The following SYT14 variants were observed in gnomAD, a reference collection of about 807,000 sequenced individuals.
SYT14 encodes synaptotagmin 14.
In SYT14, 32 loss-of-function variants were observed where a neutral mutation model predicts 74.2. That is an observed-to-expected ratio of 0.43 (90% CI 0.33 to 0.58). The LOEUF is 0.58. Among genes scored for constraint, SYT14 ranks in the 20% least tolerant of loss-of-function variants. The pLI is 0.05. For missense variants in SYT14, 791 were observed against 981.8 expected, an observed-to-expected ratio of 0.81 and a Z score of 2.60; for synonymous variants, 298 against 337.7, an observed-to-expected ratio of 0.88 and a Z score of 1.29.
intron 2 of SYT14, among the ~76,000 whole-genome samples, chr1:209,953,894 T>C (rs2102685958): frequency 6.6e-6 from 1 of 152,352 alleles, no homozygotes; most frequent in South Asian, 2.1e-4. Context: ...TCTCATGCTA[T>C]AACTATTGTT....
intron 2 of SYT14, among the ~76,000 whole-genome samples, chr1:209,954,754 G>T (rs764910784): frequency 6.7e-6 from 1 of 150,014 alleles, no homozygotes; most frequent in Non-Finnish European, 1.5e-5. Flanking sequence ...CTCCCAGGCT[G>T]GAATGCAGTG....
At chr1:210,050,475 G>A (rs1200040628) in intron 5 of SYT14, among the ~76,000 whole-genome samples, 1 of 152,102 alleles carries the variant, frequency 6.6e-6, no homozygotes, top group African/African-American at 2.4e-5. Context: ...TCCAACCTTT[G>A]CCTGTTACCC....
chr1:210,144,920 C>T (rs1052435039), intron 7 of SYT14, among the ~76,000 whole-genome samples: 11 of 151,724 alleles, frequency 7.3e-5, no homozygotes, highest in African/African-American at 2.2e-4. Flanking sequence ...TTCTGGGATA[C>T]GGAGTCTTTA....
intron 2 of SYT14, among the ~76,000 whole-genome samples, chr1:209,961,708 T>C (rs1402606500): frequency 4.6e-5 from 7 of 152,154 alleles, no homozygotes; most frequent in Non-Finnish European, 1.0e-4. Context: ...TGTAGACTCT[T>C]ACTAGAGATG....
At chr1:209,939,503 C>G (rs1210305628) in intron 1 of SYT14, among the ~76,000 whole-genome samples, 1 of 152,206 alleles carries the variant, frequency 6.6e-6, no homozygotes, top group Non-Finnish European at 1.5e-5. Context: ...ATGCAAGACA[C>G]ATTCAGACAG....
At chr1:210,015,724 T>C in exon 4 of SYT14, 1 of 293,544 alleles carries the variant, frequency 3.4e-6, no homozygotes, top group Non-Finnish European at 5.7e-6. Context: ...GGAAAAATAT[T>C]GTCTTGCTGC....
At chr1:209,968,785 T>C (rs1165684966) in intron 2 of SYT14, among the ~76,000 whole-genome samples, 1 of 151,796 alleles carries the variant, frequency 6.6e-6, no homozygotes, top group African/African-American at 2.4e-5. Flanking sequence ...CATGTGCAGG[T>C]TTGTTAAATG....
chr1:210,135,925 G>T lies in SYT14; in HGVS notation c.2035-19796G>T, dbSNP rs563719859. On this transcript the variant is annotated intron_variant, in intron 7 of 9. Transcript: ENST00000637265. ...TGTTCAGAATGTGAATTATTCTCAG[G>T]CCTATGTGAGTTGTGGGGATTGTTC... 5.9e-5 allele frequency among the ~76,000 whole-genome samples: 9 copies of T among 152,238 alleles called. No individual in the cohort carries two copies. The East Asian group carries it at 1.7e-3, about 29-fold the overall frequency.
At chr1:210,014,328 G>A (rs1236027778) in intron 3 of SYT14, among the ~76,000 whole-genome samples, 1 of 151,176 alleles carries the variant, frequency 6.6e-6, no homozygotes, top group Non-Finnish European at 1.5e-5. Context: ...CCCTCCCTTG[G>A]CACCATATAT....
chr1:210,150,894 G>GT (rs1465568521), intron 7 of SYT14, among the ~76,000 whole-genome samples: 2 of 152,056 alleles, frequency 1.3e-5, no homozygotes, highest in African/African-American at 4.8e-5. Context: ...TAATCATATT[G>GT]TTTTTTCTCT....
chr1:209,972,348 T>G (rs2079270941), intron 2 of SYT14, among the ~76,000 whole-genome samples: 1 of 152,018 alleles, frequency 6.6e-6, no homozygotes, highest in Non-Finnish European at 1.5e-5. Flanking sequence ...GGGGTCTCAG[T>G]TTCCTTCAGT....
At chr1:210,051,242 T>TA (rs1268634204) in intron 5 of SYT14, among the ~76,000 whole-genome samples, 3 of 152,232 alleles carry the variant, frequency 2.0e-5, no homozygotes, top group African/African-American at 7.2e-5. Flanking sequence ...ATAAATCTAT[T>TA]ACATAAAATT....
intron 2 of SYT14, among the ~76,000 whole-genome samples, chr1:209,999,295 A>G (rs928454241): frequency 6.6e-6 from 1 of 152,160 alleles, no homozygotes; most frequent in Non-Finnish European, 1.5e-5. Context: ...ATTCTTATAC[A>G]TGGTTGGAGA....
intron 2 of SYT14, chr1:209,953,071 G>A (rs1040714326): frequency 7.5e-7 from 1 of 1,337,702 alleles, no homozygotes; most frequent in African/African-American, 1.5e-5. Context: ...GAATCTGAGT[G>A]CATGCTGATC....
intron 2 of SYT14, among the ~76,000 whole-genome samples, chr1:209,974,770 G>A (rs1010457721): frequency 6.6e-6 from 1 of 152,162 alleles, no homozygotes; most frequent in Non-Finnish European, 1.5e-5. Context: ...TAGCTTGATG[G>A]AGATGGCATT....
Position 210,035,205 on chromosome 1 carries a change from C to T in SYT14, c.1312+13951C>T, listed in dbSNP as rs1359012677. Among the ~76,000 whole-genome samples, 4 of 151,632 alleles carry T rather than the reference C, an allele frequency of 2.6e-5. No homozygotes were observed. The East Asian group carries it at 5.8e-4, about 22-fold the overall frequency. On this transcript the variant is annotated intron_variant, in intron 5 of 9. Transcript: ENST00000637265. ...GCTTGTTGGCCATTTGCAAAATGTA[C>T]ACCTTCTTTTGCAAAATGTGTATTC...
intron 5 of SYT14, among the ~76,000 whole-genome samples, chr1:210,062,414 A>G (rs1358353668): frequency 6.6e-6 from 1 of 151,854 alleles, no homozygotes; most frequent in Non-Finnish European, 1.5e-5. Context: ...TTTTTTTCTA[A>G]TTTGTCAAAC....
At chr1:210,057,874 T>A (rs560147376) in intron 5 of SYT14, among the ~76,000 whole-genome samples, 4 of 152,298 alleles carry the variant, frequency 2.6e-5, no homozygotes, top group African/African-American at 9.6e-5. Context: ...AGATTTCTTG[T>A]GACTATTTGG....
At chr1:210,159,090 T>A (rs1274012808) in intron 8 of SYT14, among the ~76,000 whole-genome samples, 1 of 152,206 alleles carries the variant, frequency 6.6e-6, no homozygotes, top group Non-Finnish European at 1.5e-5. Context: ...ATGATCTTTA[T>A]AATTATTCAG....
Sources: gnomAD v4.1 joint callset for allele counts (sites outside exome capture counted in the v4.1 genomes callset) on GRCh38, gnomAD v4.1.1 for gene constraint, MANE v1.5 for transcripts, NCBI Gene and HGNC (gene_info 2026-07-23, HGNC 2026-07-21) for gene names.